Variants in TNRC6B observed in about 807,000 individuals in gnomAD.
The protein encoded by TNRC6B is trinucleotide repeat containing adaptor 6B.
TNRC6B carries 52 observed loss-of-function variants against 203.6 expected under a neutral mutation model. The ratio of observed to expected loss-of-function variants is 0.26; its 90% CI spans 0.20 to 0.32. The LOEUF (loss-of-function observed/expected upper bound fraction) is 0.32. Ranked by LOEUF, TNRC6B falls within the 10% of genes least tolerant of loss-of-function variation. The probability of loss-of-function intolerance (pLI) is 1.00; values close to 1 mark genes in which losing one functional copy is unlikely to be tolerated. For missense variants in TNRC6B, 1,923 were observed against 2,286.2 expected (o/e 0.84, Z 3.24); for synonymous variants, 838 against 845.7 (o/e 0.99, Z 0.16).
At chr22:40,300,716 A>G in intron 13 of TNRC6B, 130 bp downstream of exon 13, 1 of 1,329,898 alleles carries the variant, frequency 7.5e-7, no homozygotes, top group South Asian at 1.5e-5. Context: ...TTCTTTGCAA[A>G]CTATGGAGTG....
At chr22:40,076,880 C>T (rs967556868) in intron 1 of TNRC6B, among the ~76,000 whole-genome samples, 3 of 151,922 alleles carry the variant, frequency 2.0e-5, no homozygotes, top group Non-Finnish European at 4.4e-5. Flanking sequence ...CAATTCTTAG[C>T]TGGGTGCGGG....
intron 12 of TNRC6B, among the ~76,000 whole-genome samples, chr22:40,292,888 A>G (rs778131947): frequency 1.3e-5 from 2 of 152,150 alleles, no homozygotes; most frequent in Admixed American, 6.5e-5. Flanking sequence ...TCACTTTCCT[A>G]TGCTTTTCTT....
At chr22:40,248,530 T>C (rs1004281687) in intron 2 of TNRC6B, among the ~76,000 whole-genome samples, 1 of 152,192 alleles carries the variant, frequency 6.6e-6, no homozygotes, top group Admixed American at 6.5e-5. Context: ...ATACCTAAAA[T>C]GATTAATAAA....
At chr22:40,268,273 A>G (rs766374970) in intron 5 of TNRC6B, among the ~76,000 whole-genome samples, 11 of 152,010 alleles carry the variant, frequency 7.2e-5, no homozygotes, top group Non-Finnish European at 1.5e-4. Flanking sequence ...TTTAGTAGAG[A>G]CAGGATTTCA....
intron 1 of TNRC6B, among the ~76,000 whole-genome samples, chr22:40,080,016 C>T (rs1232878325): frequency 4.0e-5 from 6 of 151,366 alleles, no homozygotes; most frequent in African/African-American, 1.2e-4. Context: ...AGGATGGTCT[C>T]GATGTCCTGA....
At chr22:40,221,812 C>G (rs971174427) in intron 1 of TNRC6B, among the ~76,000 whole-genome samples, 9 of 143,842 alleles carry the variant, frequency 6.3e-5, no homozygotes, top group African/African-American at 2.0e-4. Context: ...TGCTCCAAGG[C>G]TCCCACTGGA....
At chr22:40,276,408 C>G (rs2070645685) in intron 7 of TNRC6B, among the ~76,000 whole-genome samples, 1 of 152,116 alleles carries the variant, frequency 6.6e-6, no homozygotes, top group Non-Finnish European at 1.5e-5. Context: ...GCACAAAGCC[C>G]CAGCCCACCC....
intron 12 of TNRC6B, among the ~76,000 whole-genome samples, chr22:40,295,814 C>G (rs769908238): frequency 2.0e-4 from 30 of 152,076 alleles, no homozygotes; most frequent in African/African-American, 6.8e-4. Flanking sequence ...TTGCCTTGGA[C>G]TAGTTGTGTA....
intron 12 of TNRC6B, among the ~76,000 whole-genome samples, chr22:40,298,164 A>G (rs1312417362): frequency 2.6e-5 from 4 of 151,830 alleles, no homozygotes; most frequent in South Asian, 4.2e-4. Context: ...TTAAAAAATC[A>G]TTAAAAAAAA....
intron 3 of TNRC6B, among the ~76,000 whole-genome samples, chr22:40,134,138 A>G (rs756539696): frequency 6.6e-6 from 1 of 152,170 alleles, no homozygotes; most frequent in Non-Finnish European, 1.5e-5. Flanking sequence ...AGTTTAGTAA[A>G]TACTCTATCC....
chr22:40,274,366 A>G (rs1368573142), intron 7 of TNRC6B, among the ~76,000 whole-genome samples: 2 of 152,062 alleles, frequency 1.3e-5, no homozygotes, highest in East Asian at 3.9e-4. Flanking sequence ...TCTCCCGACA[A>G]ATGAAATACC....
At chr22:40,239,009 G>A (rs2069988747) in intron 1 of TNRC6B, among the ~76,000 whole-genome samples, 1 of 152,002 alleles carries the variant, frequency 6.6e-6, no homozygotes, top group South Asian at 2.1e-4. Context: ...TCAAGACCAG[G>A]CCAGCCAACA....
chr22:40,196,455 C>T (rs751550834), intron 1 of TNRC6B, among the ~76,000 whole-genome samples: 7 of 152,048 alleles, frequency 4.6e-5, no homozygotes, highest in Admixed American at 2.0e-4. Context: ...TAAATGAGTG[C>T]CTCAGTGGTC....
At chr22:40,224,925 G>A (rs1196453595) in intron 1 of TNRC6B, among the ~76,000 whole-genome samples, 1 of 152,218 alleles carries the variant, frequency 6.6e-6, no homozygotes, top group Non-Finnish European at 1.5e-5. Flanking sequence ...TGGAGGAGGA[G>A]GTGGACCCTG....
At chr22:40,156,771 T>C (rs1601847678) in intron 4 of TNRC6B, among the ~76,000 whole-genome samples, 1 of 137,162 alleles carries the variant, frequency 7.3e-6, no homozygotes, top group South Asian at 2.5e-4. Flanking sequence ...TTTTTTTTTT[T>C]TTCTTGAGAC....
At chr22:40,311,724 G>GT (rs1364690077) in intron 17 of TNRC6B, among the ~76,000 whole-genome samples, 1 of 151,972 alleles carries the variant, frequency 6.6e-6, no homozygotes, top group East Asian at 1.9e-4. Flanking sequence ...TGTATGTTTA[G>GT]TAGAGACAGG....
At position 40,217,520 on chromosome 22, in the gene TNRC6B, A is replaced by G. The variant is rs565364020; in HGVS notation, c.6-28495A>G. ...AGGCAGTGTTGGGAAGGGACAAACA[A>G]TGTGACTGTGTACATTAATTTCTTT... On this transcript the variant is annotated intron_variant, in intron 1 of 22. Coordinates refer to ENST00000454349, the MANE Select transcript of TNRC6B (RefSeq NM_001162501.2). Among the ~76,000 whole-genome samples the G allele has an allele frequency of 3.8e-4, 58 of 152,200 alleles. 1 individual carries two copies. The highest frequency in any genetic ancestry group is 9.8e-4 in the Admixed American group (15 of 15,282).
At chr22:40,268,136 G>A (rs1216401948) in intron 5 of TNRC6B, among the ~76,000 whole-genome samples, 1 of 152,148 alleles carries the variant, frequency 6.6e-6, no homozygotes, top group African/African-American at 2.4e-5. Flanking sequence ...TGCCCAGGCT[G>A]GAGTGCAGTG....
intron 3 of TNRC6B, among the ~76,000 whole-genome samples, chr22:40,151,236 A>C (rs2068749848): frequency 6.6e-6 from 1 of 151,826 alleles, no homozygotes; most frequent in Non-Finnish European, 1.5e-5. Context: ...ACGCCACTGC[A>C]CTCCAGCTTG....
Sources: gnomAD v4.1 joint callset for allele counts (sites outside exome capture counted in the v4.1 genomes callset) on GRCh38, gnomAD v4.1.1 for gene constraint, MANE v1.5 for transcripts, NCBI Gene and HGNC (gene_info 2026-07-23, HGNC 2026-07-21) for gene names.